Variants in CA8 observed in about 807,000 individuals in gnomAD.
CA8 encodes the protein carbonic anhydrase 8 (inactive).
Under a neutral mutation model 41.4 loss-of-function variants are expected in CA8, and 22 were observed. That is an observed-to-expected ratio of 0.53 (90% CI 0.38 to 0.76). The LOEUF (loss-of-function observed/expected upper bound fraction) is 0.76. Ranked by LOEUF, CA8 falls within the 30% of genes least tolerant of loss-of-function variation. The pLI, the probability that CA8 is intolerant of heterozygous loss-of-function variation, is 0.00. For synonymous variants in CA8, 121 were observed against 130.6 expected (o/e 0.93, Z 0.50); for missense variants, 270 against 352.8 (o/e 0.77, Z 1.88).
intron 2 of CA8, among the ~76,000 whole-genome samples, chr8:60,270,569 C>T (rs1804037409): frequency 6.6e-6 from 1 of 152,116 alleles, no homozygotes; most frequent in African/African-American, 2.4e-5. Flanking sequence ...GTGTGCACCA[C>T]CATGCCTGGC....
At chr8:60,237,865 G>A (rs1370715075) in intron 3 of CA8, among the ~76,000 whole-genome samples, 1 of 152,128 alleles carries the variant, frequency 6.6e-6, no homozygotes, top group African/African-American at 2.4e-5. Context: ...CTTCCCCCCA[G>A]CCCACCAACA....
intron 3 of CA8, among the ~76,000 whole-genome samples, chr8:60,255,005 C>A (rs941231492): frequency 6.6e-6 from 1 of 152,106 alleles, no homozygotes; most frequent in Non-Finnish European, 1.5e-5. Context: ...CTCTTGCTAG[C>A]GTCCAGTGCC....
chr8:60,224,623 A>G (rs201204277), intron 5 of CA8, 38 bp from the exon 6 acceptor site: 6 of 1,211,952 alleles, frequency 5.0e-6, no homozygotes, highest in Non-Finnish European at 7.3e-6. Context: ...TGTTAATGTA[A>G]TATTTCTAGA....
chr8:60,273,436 G>A (rs757019330), intron 2 of CA8, among the ~76,000 whole-genome samples: 1 of 152,198 alleles, frequency 6.6e-6, no homozygotes, highest in African/African-American at 2.4e-5. Flanking sequence ...GGCTACACTG[G>A]CCCATGCCAC....
intron 8 of CA8, among the ~76,000 whole-genome samples, chr8:60,199,343 C>T (rs911417316): frequency 2.0e-5 from 3 of 151,890 alleles, no homozygotes; most frequent in Admixed American, 2.0e-4. Flanking sequence ...TAGTTGAAGA[C>T]CTCTTCAGGC....
At chr8:60,199,824 G>C (rs77075097) in intron 8 of CA8, among the ~76,000 whole-genome samples, 3,187 of 152,168 alleles carry the variant, frequency 0.021, 47 homozygotes, top group Non-Finnish European at 0.033. Context: ...CAAAGGATGA[G>C]GCCAATCTAT....
At chr8:60,261,448 C>T in intron 3 of CA8, among the ~76,000 whole-genome samples, 1 of 152,166 alleles carries the variant, frequency 6.6e-6, no homozygotes, top group Non-Finnish European at 1.5e-5. Context: ...CTTTTAGGCC[C>T]AGAAGGCAAG....
At chr8:60,251,006 T>C (rs1027879379) in intron 3 of CA8, among the ~76,000 whole-genome samples, 18 of 152,214 alleles carry the variant, frequency 1.2e-4, no homozygotes, top group African/African-American at 3.1e-4. Flanking sequence ...CATGTAATAA[T>C]AGCTATATAT....
chr8:60,230,740 C>T (rs560997914), intron 4 of CA8, among the ~76,000 whole-genome samples: 3 of 152,332 alleles, frequency 2.0e-5, no homozygotes, highest in African/African-American at 7.2e-5. Context: ...GCTCTCCAGG[C>T]TTTCCCTTCC....
rs539662332 is a variant in CA8, at chr8:60,266,723, C to T, written c.293-674G>A. Among the ~76,000 whole-genome samples, 26 of 152,302 alleles carry T rather than the reference C, an allele frequency of 1.7e-4. 1 individual carries two copies. The South Asian group carries it at 5.2e-3, about 30-fold the overall frequency. On this transcript the variant is annotated intron_variant, in intron 2 of 8. Coordinates refer to ENST00000317995, the MANE Select transcript of CA8 (RefSeq NM_004056.6). ...ATATGATCAAGACCTTTATCCCCAA[C>T]AAGAGCACACTAAAGGATAATGAAA...
chr8:60,190,958 A>G (rs1806106752), intron 8 of CA8, among the ~76,000 whole-genome samples: 1 of 74,190 alleles, frequency 1.3e-5, no homozygotes, highest in Admixed American at 1.2e-4. Context: ...ATATATATAT[A>G]CACACACACA....
chr8:60,195,565 AAGAAC>A (rs1806258389), intron 8 of CA8, among the ~76,000 whole-genome samples: 1 of 152,166 alleles, frequency 6.6e-6, no homozygotes, highest in South Asian at 2.1e-4. Context: ...TGCTAGAAAT[AAGAAC>A]TCTCCTCTTC....
intron 2 of CA8, among the ~76,000 whole-genome samples, chr8:60,279,483 A>T (rs1804340257): frequency 6.6e-6 from 1 of 152,238 alleles, no homozygotes; most frequent in Non-Finnish European, 1.5e-5. Context: ...CAACCGACTG[A>T]TAATCTTCAT....
rs530469423 is a variant in CA8, at chr8:60,188,527, T to G, written c.*1494A>C. The G allele has an allele frequency of 6.6e-6, 1 of 152,338 alleles. No homozygotes were observed. Among genetic ancestry groups the G allele is most frequent in the South Asian group, 2.1e-4 (1 of 4,830 alleles). 9.4% of individuals were successfully genotyped at this position (152,338 alleles called of 1,614,324 possible). ...GCATGTGAGTGGTAACAGTGCTAGA[T>G]GTAAATATTTTTGTCACAGTTTTGT... On this transcript the variant is annotated 3_prime_UTR_variant, in exon 9 of 9. Transcript: ENST00000317995.
At chr8:60,199,662 T>A (rs1806368423) in intron 8 of CA8, among the ~76,000 whole-genome samples, 1 of 152,160 alleles carries the variant, frequency 6.6e-6, no homozygotes, top group African/African-American at 2.4e-5. Context: ...ATCTCCATAT[T>A]ATCCAATAAA....
intron 4 of CA8, 34 bp from the exon 5 acceptor site, chr8:60,226,969 C>T: frequency 6.8e-7 from 1 of 1,470,750 alleles, no homozygotes; most frequent in Non-Finnish European, 9.5e-7. Context: ...ACAACCACAA[C>T]ATTTTTCAGT....
At chr8:60,265,308 C>G (rs1478031408) in intron 3 of CA8, 1 of 154,280 alleles carries the variant, frequency 6.5e-6, no homozygotes, top group Non-Finnish European at 1.4e-5. Flanking sequence ...ATCAAGCATA[C>G]AGGGAGCAGA....
chr8:60,223,914 A>G (rs118083443), intron 6 of CA8, among the ~76,000 whole-genome samples: 2,987 of 152,322 alleles, frequency 0.02, 67 homozygotes, highest in South Asian at 0.082. Context: ...TATTCTGAGT[A>G]CTTAATGTAT....
chr8:60,199,532 AG>A (rs1806365587), intron 8 of CA8, among the ~76,000 whole-genome samples: 1 of 152,180 alleles, frequency 6.6e-6, no homozygotes. Flanking sequence ...GAGATTCTGA[AG>A]GGGTTTTAAG....
Sources: allele counts gnomAD v4.1 joint callset (sites outside exome capture counted in the v4.1 genomes callset), GRCh38; gene constraint gnomAD v4.1.1; transcripts MANE v1.5; gene names NCBI Gene and HGNC (gene_info 2026-07-23, HGNC 2026-07-21).